NFX1: variants seen among roughly 807,000 people sequenced by gnomAD.
NFX1 encodes transcriptional repressor NF-X1.
NFX1 carries 69 observed loss-of-function variants against 137.2 expected under a neutral mutation model. That is an observed-to-expected ratio of 0.50 (90% CI 0.41 to 0.61). The LOEUF is 0.61. NFX1 is among the 20% of genes least tolerant of loss of function. NFX1 has a pLI of 0.00. For missense variants in NFX1, 1,167 were observed against 1,391.0 expected (o/e 0.84, Z 2.56); for synonymous variants, 495 against 474.1 (o/e 1.04, Z -0.57).
At chr9:33,359,232 T>G (rs1158801768) in intron 19 of NFX1, among the ~76,000 whole-genome samples, 1 of 152,198 alleles carries the variant, frequency 6.6e-6, no homozygotes, top group East Asian at 1.9e-4. Context: ...AATTCTTAAC[T>G]TTTATTTCTT....
chr9:33,364,069 C>T lies in NFX1; in HGVS notation c.2933C>T (p.Ser978Leu), dbSNP rs1785030812. Residue 978 changes from serine to leucine, a missense_variant, in exon 20 of 24, where the codon TCA becomes TTA. By Grantham distance (145) the Ser-to-Leu change is moderately radical. Coordinates refer to ENST00000379540, the MANE Select transcript of NFX1 (RefSeq NM_002504.6). Reference protein sequence around the residue: ...EDSDPFNIRSSGSKFSDSLKE... With the variant: ...EDSDPFNIRSLGSKFSDSLKE... ...TCTGATCCTTTCAATATACGTTCTT[C>T]AGGGTCAAAATTCAGTGATAGTTTG... 1.9e-6 allele frequency: 3 copies of T among 1,605,276 alleles called. No individual in the cohort carries two copies. Among genetic ancestry groups the T allele is most frequent in the African/African-American group, 1.3e-5 (1 of 74,444 alleles).
chr9:33,291,065 C>T (rs568341114), intron 1 of NFX1, among the ~76,000 whole-genome samples: 2 of 152,344 alleles, frequency 1.3e-5, no homozygotes, highest in African/African-American at 4.8e-5. Flanking sequence ...GTCTCAGTCT[C>T]CTCATCTGTC....
rs993486198 is a variant in NFX1 at position 33,313,507 on chromosome 9, G to A, written c.1449-147G>A. On this transcript the variant is annotated intron_variant, in intron 6 of 23. Transcript: ENST00000379540. ...GTAATTGAGAAAATAAGAATTGGAG[G>A]AGGGAGACATAGGAAAAAGTGAGGG... 5.4e-5 allele frequency: 35 copies of A among 651,138 alleles called. 3 individuals are homozygous for A. The South Asian group carries it at 7.2e-4, about 13-fold the overall frequency. 40.3% of individuals were successfully genotyped at this position (651,138 alleles called of 1,614,324 possible). A position where few individuals can be genotyped will look rare whatever the true frequency, so the allele number is the denominator to read the frequency against.
chr9:33,349,792 A>C (rs1007640390), intron 15 of NFX1, among the ~76,000 whole-genome samples: 1 of 152,130 alleles, frequency 6.6e-6, no homozygotes, highest in Non-Finnish European at 1.5e-5. Flanking sequence ...TTAAGTATTT[A>C]ATTACAGAAA....
At chr9:33,294,314 T>C in intron 1 of NFX1, 106 bp from the exon 2 acceptor site, 1 of 1,064,802 alleles carries the variant, frequency 9.4e-7, no homozygotes, top group East Asian at 2.4e-5. Flanking sequence ...CAGCATGTTT[T>C]ATACAAAGTT....
chr9:33,310,991 A>T (rs1821939793), intron 5 of NFX1, 115 bp from the exon 6 acceptor site: 5 of 837,028 alleles, frequency 6.0e-6, no homozygotes, highest in Non-Finnish European at 9.7e-6. Context: ...AAATACAAAG[A>T]CATGTCATAG....
At chr9:33,349,529 C>T (rs1032971585) in intron 15 of NFX1, among the ~76,000 whole-genome samples, 1 of 152,154 alleles carries the variant, frequency 6.6e-6, no homozygotes, top group Non-Finnish European at 1.5e-5. Context: ...TGTTGGAAGT[C>T]TCTTCAGGGG....
chr9:33,324,710 G>A (rs1822512917), intron 9 of NFX1, among the ~76,000 whole-genome samples: 1 of 151,994 alleles, frequency 6.6e-6, no homozygotes, highest in Non-Finnish European at 1.5e-5. Context: ...GGCGAATCAC[G>A]AGGTCAGGAG....
In NFX1 at chr9:33,294,615, A is replaced by T. The variant is rs1322400745; in HGVS notation, c.221A>T (p.His74Leu). The change falls in exon 2 of 24, where the codon CAT becomes CTT. Residue 74 changes from histidine to leucine, a missense_variant. This residue lies in a region of NFX1 where 367 missense variants were observed against 386.7 expected (regional missense o/e 0.95). Transcript: ENST00000379540. ...TCTGCTGTTCATCAGCATAGTTATC[A>T]TCCGTCAGGAAGCAAACCTAAGAGT... The part of the protein sequence containing the change: ...EISAVHQHSY[H>L]PSGSKPKSQQ... The T allele has an allele frequency of 6.2e-7, 1 of 1,614,188 alleles. No individual in the cohort carries two copies. Among genetic ancestry groups the T allele is most frequent in the Admixed American group, 1.7e-5 (1 of 60,020 alleles).
At chr9:33,330,101 G>T (rs996806403) in intron 10 of NFX1, among the ~76,000 whole-genome samples, 1 of 152,150 alleles carries the variant, frequency 6.6e-6, no homozygotes, top group African/African-American at 2.4e-5. Context: ...GCCTACCTTG[G>T]ATAGTTTTCA....
chr9:33,307,140 T>G, intron 4 of NFX1, 54 bp from the exon 5 acceptor site: 2 of 1,432,932 alleles, frequency 1.4e-6, no homozygotes, highest in Non-Finnish European at 2.0e-6. Context: ...TTCATTAAAG[T>G]TGAGAATGTG....
At chr9:33,329,484 G>T (rs1334818300) in intron 10 of NFX1, among the ~76,000 whole-genome samples, 1 of 152,070 alleles carries the variant, frequency 6.6e-6, no homozygotes, top group Non-Finnish European at 1.5e-5. Context: ...GGCAAACAAT[G>T]ACACTTATAT....
intron 10 of NFX1, among the ~76,000 whole-genome samples, chr9:33,330,254 C>T (rs1822754769): frequency 6.6e-6 from 1 of 152,138 alleles, no homozygotes; most frequent in African/African-American, 2.4e-5. Context: ...AGGGTGGAGA[C>T]AGAATTGTGA....
intron 9 of NFX1, among the ~76,000 whole-genome samples, chr9:33,326,451 G>T (rs1368050390): frequency 2.0e-5 from 3 of 148,834 alleles, no homozygotes; most frequent in East Asian, 4.0e-4. Context: ...GGGCACTGTA[G>T]CTCTCACCTG....
At chr9:33,364,853 C>A (rs1387548509) in intron 21 of NFX1, 79 bp downstream of exon 21, 1 of 1,573,368 alleles carries the variant, frequency 6.4e-7, no homozygotes, top group Admixed American at 1.9e-5. Context: ...GTCCTGGAAA[C>A]ACTTTCAACC....
intron 7 of NFX1, among the ~76,000 whole-genome samples, chr9:33,316,688 T>G (rs577596325): frequency 6.6e-6 from 1 of 152,236 alleles, no homozygotes; most frequent in South Asian, 2.1e-4. Flanking sequence ...TCTTTTTGGG[T>G]CTTTATTCAT....
intron 10 of NFX1, among the ~76,000 whole-genome samples, chr9:33,329,847 C>T (rs533928369): frequency 2.6e-5 from 4 of 152,036 alleles, no homozygotes; most frequent in African/African-American, 4.8e-5. Context: ...TTAGTAGAGA[C>T]GGGATTTTGC....
At chr9:33,352,411 G>A in intron 16 of NFX1, 1 of 629,974 alleles carries the variant, frequency 1.6e-6, no homozygotes. Context: ...CTTCAGCCAG[G>A]ATTAAGAACA....
At chr9:33,307,112 C>T in intron 4 of NFX1, 82 bp from the exon 5 acceptor site, 1 of 1,013,300 alleles carries the variant, frequency 9.9e-7, no homozygotes, top group South Asian at 1.5e-5. Context: ...TGCATGCTGC[C>T]TAGCTATACT....
Sources: allele counts gnomAD v4.1 joint callset (sites outside exome capture counted in the v4.1 genomes callset), GRCh38; gene constraint gnomAD v4.1.1; regional missense constraint gnomAD v4.1.1; transcripts MANE v1.5; gene names NCBI Gene and HGNC (gene_info 2026-07-23, HGNC 2026-07-21).